IGSF9B: variants seen among roughly 807,000 people sequenced by gnomAD.
IGSF9B encodes the protein immunoglobulin superfamily member 9B, also known as protein turtle homolog B.
A neutral mutation model predicts 143.7 loss-of-function variants in IGSF9B; 48 were observed. That is an observed-to-expected ratio of 0.33 (90% CI 0.26 to 0.42). The LOEUF is 0.42. Ranked by LOEUF, IGSF9B falls within the 20% of genes least tolerant of loss-of-function variation. The pLI, the probability that IGSF9B is intolerant of heterozygous loss-of-function variation, is 1.00. For missense variants in IGSF9B, 1,706 were observed against 1,980.0 expected (o/e 0.86, Z 2.63); for synonymous variants, 903 against 833.1 (o/e 1.08, Z -1.44).
chr11:133,942,852 C>T (rs529218620), intron 3 of IGSF9B, among the ~76,000 whole-genome samples: 6 of 152,298 alleles, frequency 3.9e-5, no homozygotes, highest in African/African-American at 1.4e-4. Context: ...TCTCTTGGGA[C>T]TGATTGACAG....
intron 2 of IGSF9B, among the ~76,000 whole-genome samples, chr11:133,944,620 G>C (rs1940012418): frequency 6.6e-6 from 1 of 152,234 alleles, no homozygotes; most frequent in Admixed American, 6.5e-5. Context: ...CAATGCACTT[G>C]GCATTGAGAG....
chr11:133,939,882 GCGT>G (rs2121326679), intron 3 of IGSF9B, among the ~76,000 whole-genome samples: 1 of 149,028 alleles, frequency 6.7e-6, no homozygotes, highest in South Asian at 2.1e-4. Flanking sequence ...GTCCTCGCAC[GCGT>G]CATCACATAC....
At chr11:133,918,842 TC>T (rs1429770822) in intron 18 of IGSF9B, among the ~76,000 whole-genome samples, 5 of 147,656 alleles carry the variant, frequency 3.4e-5, no homozygotes, top group South Asian at 2.2e-4. Flanking sequence ...GGACGGGGTA[TC>T]CGGGGGCACT....
rs182132008 is a variant in IGSF9B, at chr11:133,945,502, C to T, written c.262+559G>A. On this transcript the variant is annotated intron_variant, in intron 2 of 19. Coordinates refer to ENST00000533871, the MANE Select transcript of IGSF9B (RefSeq NM_001277285.4). This position sits in a 1 kb window ranked among gnomAD's most constrained non-coding sequence, Gnocchi z 4.6. ...CACACACCCACGCCCTCCTCTCCCG[C>T]GGGCTGGGGGGCAGGCAGCGGCAGT... Among the ~76,000 whole-genome samples the T allele has an allele frequency of 6.6e-6, 1 of 152,170 alleles. No individual in the cohort carries two copies.
Position 133,909,235 on chromosome 11 carries a change from A to C in IGSF9B, c.4148T>G (p.Val1383Gly), listed in dbSNP as rs1939264198. ...GCAGACAGCTTCATCGGGCCACAGA[A>C]CCTGAGAGTTGGGAAGCTGCTGAGT... ...SQTQQLPNSQ[V>G]LWPDEAVCLR... Residue 1383 changes from valine (V) to glycine (G), a missense_variant, in exon 20 of 20, where the codon GTT becomes GGT. Val to Gly is a moderately radical substitution (Grantham distance 109). Around this residue, in one of 7 missense-constraint regions of IGSF9B, gnomAD observed 880 missense variants for 762.9 expected, o/e 1.15. Coordinates refer to ENST00000533871, the MANE Select transcript of IGSF9B (RefSeq NM_001277285.4). The surrounding 1 kb of genome is among the most constrained non-coding windows in gnomAD (Gnocchi z 4.2). The C allele has an allele frequency of 2.6e-6, 4 of 1,535,908 alleles. No homozygotes were observed. The highest frequency in any genetic ancestry group is 3.5e-6 in the Non-Finnish European group (4 of 1,146,740).
At chr11:133,937,687 G>C in intron 4 of IGSF9B, 123 bp downstream of exon 4, 1 of 1,275,072 alleles carries the variant, frequency 7.8e-7, no homozygotes, top group Non-Finnish European at 1.1e-6. Flanking sequence ...GCTGAGCCAG[G>C]CTACGGCTTT....
chr11:133,944,151 C>A, intron 3 of IGSF9B, 69 bp downstream of exon 3: 1 of 1,501,980 alleles, frequency 6.7e-7, no homozygotes, highest in Non-Finnish European at 8.9e-7. Flanking sequence ...CTGGGGCAGG[C>A]CCACCCCGGA....
chr11:133,956,715 C>T lies in IGSF9B; in HGVS notation c.40G>A (p.Gly14Ser), dbSNP rs1463664991. Residue 14 changes from glycine to serine, a missense_variant, in exon 1 of 20, where the codon GGC becomes AGC. Gly to Ser is a moderately conservative substitution (Grantham distance 56). Around this residue, in one of 7 missense-constraint regions of IGSF9B, gnomAD observed 171 missense variants for 213.9 expected, o/e 0.80. Coordinates refer to ENST00000533871, the MANE Select transcript of IGSF9B (RefSeq NM_001277285.4). ...CCTTCAGCCGCAAGCCCTCGGGTGC[C>T]GATCACACTTGCTATGAAAGTGGCC... The part of the protein sequence containing the change: ...YVATFIASVI[G>S]TRGLAAEGAH... The T allele has an allele frequency of 1.9e-6, 3 of 1,547,740 alleles. No individual in the cohort carries two copies. The highest frequency in any genetic ancestry group is 1.9e-5 in the Admixed American group (1 of 52,212).
chr11:133,912,365 T>C (rs1213510043), intron 18 of IGSF9B: 2 of 477,412 alleles, frequency 4.2e-6, no homozygotes, highest in Non-Finnish European at 8.3e-6. Flanking sequence ...CTGGAGTTCC[T>C]AGAAATCACC....
rs530521030 is a variant in IGSF9B, at chr11:133,907,471, G to A, written c.*1598C>T. Among the ~76,000 whole-genome samples the A allele has an allele frequency of 6.6e-6, 1 of 152,268 alleles. No homozygotes were observed. Among genetic ancestry groups the A allele is most frequent in the South Asian group, 2.1e-4 (1 of 4,822 alleles). ...CCACCAAGACAGCAGCACCAAGAAG[G>A]AAATACTTCAAGGAACCTTCATTCT... On this transcript the variant is annotated 3_prime_UTR_variant, in exon 20 of 20. Transcript: ENST00000533871.
At chr11:133,938,001 C>G in intron 3 of IGSF9B, 40 bp from the exon 4 acceptor site, 2 of 1,604,258 alleles carry the variant, frequency 1.2e-6, no homozygotes, top group Non-Finnish European at 1.7e-6. Context: ...ACGCCATCAG[C>G]CACATCGCTG....
intron 18 of IGSF9B, among the ~76,000 whole-genome samples, chr11:133,918,247 G>A (rs890503201): frequency 6.6e-6 from 1 of 151,410 alleles, no homozygotes; most frequent in African/African-American, 2.4e-5. Flanking sequence ...CAGCCGAGGA[G>A]CTCCCTTACC....
At chr11:133,912,225 T>C in intron 18 of IGSF9B, 1 of 684,266 alleles carries the variant, frequency 1.5e-6, no homozygotes, top group Non-Finnish European at 2.7e-6. Flanking sequence ...CCACCTCGGA[T>C]GGAAACCAAC....
In IGSF9B at chr11:133,901,781, ATCTC is replaced by A. The variant is rs1371763156; in HGVS notation, c.*7284_*7287del. ...CAGGCAAATCAGCATGTCTGTACAA[ATCTC>A]TCTCACACACACCACACACAACAGA... On this transcript the variant is annotated 3_prime_UTR_variant, in exon 20 of 20. Transcript: ENST00000533871. Among the ~76,000 whole-genome samples, 3 of 146,704 alleles carry A rather than the reference ATCTC, an allele frequency of 2.0e-5. No homozygotes were observed. The highest frequency in any genetic ancestry group is 2.2e-4 in the South Asian group (1 of 4,508).
rs1307948098 is a variant in IGSF9B at position 133,911,978 on chromosome 11, G to A, written c.4013C>T (p.Ala1338Val). 2 of 1,533,542 alleles carry A rather than the reference G, an allele frequency of 1.3e-6. No individual in the cohort carries two copies. Among genetic ancestry groups the A allele is most frequent in the Non-Finnish European group, 1.7e-6 (2 of 1,146,174 alleles). 95.0% of individuals were successfully genotyped at this position (1,533,542 alleles called of 1,614,324 possible). The change falls in exon 19 of 20, where the codon GCT becomes GTT. Residue 1338 changes from alanine (A) to valine (V), a missense_variant. Ala to Val is a moderately conservative substitution (Grantham distance 64). Transcript: ENST00000533871. ...CAGAGCCTCCAGCCTCTCAGGCGCA[G>A]CAGCGTTCCCGGGTGCAGGTGGAAG... ...GTLPPAPGNA[A>V]APERLEALKY...
chr11:133,943,736 G>A (rs1215494137), intron 3 of IGSF9B, among the ~76,000 whole-genome samples: 4 of 152,156 alleles, frequency 2.6e-5, no homozygotes, highest in Non-Finnish European at 5.9e-5. Context: ...CAGCTGCAGA[G>A]CTGGATACAC....
At chr11:133,944,435 C>G in intron 2 of IGSF9B, 69 bp from the exon 3 acceptor site, 1 of 1,525,268 alleles carries the variant, frequency 6.6e-7, no homozygotes, top group South Asian at 1.2e-5. Flanking sequence ...CGCCCCCTGC[C>G]CCAGCTAAAG....
Position 133,946,101 on chromosome 11 carries a change from C to T in IGSF9B, c.222G>A (p.Lys74=), listed in dbSNP as rs747568369. Residue 74 remains lysine (K), a synonymous_variant, in exon 2 of 20, where the codon AAG becomes AAA. Coordinates refer to ENST00000533871, the MANE Select transcript of IGSF9B (RefSeq NM_001277285.4). ...CCACGTGCGGCGGGTAGTAGCCAAA[C>T]TTGATGAAGATAGGGATGGGGACCC... ...KFGVPIPIFI[K]FGYYPPHVDP... 5 of 1,604,914 alleles carry T rather than the reference C, an allele frequency of 3.1e-6. No individual in the cohort carries two copies. The East Asian group carries it at 1.1e-4, about 36-fold the overall frequency.
At chr11:133,927,475 G>A (rs1820079581) in intron 12 of IGSF9B, among the ~76,000 whole-genome samples, 1 of 152,236 alleles carries the variant, frequency 6.6e-6, no homozygotes, top group Non-Finnish European at 1.5e-5. Flanking sequence ...AACAGTGGCA[G>A]GATGAGGGAA....
Sources: allele counts gnomAD v4.1 joint callset (sites outside exome capture counted in the v4.1 genomes callset), GRCh38; gene constraint gnomAD v4.1.1; regional missense constraint gnomAD v4.1.1; non-coding constraint Gnocchi (gnomAD v3.1); transcripts MANE v1.5; gene names NCBI Gene and HGNC (gene_info 2026-07-23, HGNC 2026-07-21).